MOGAT1: variants seen among roughly 807,000 people sequenced by gnomAD.
MOGAT1 encodes monoacylglycerol O-acyltransferase 1, also known as 2-acylglycerol O-acyltransferase 1.
MOGAT1 carries 32 observed loss-of-function variants against 31.4 expected under a neutral mutation model. The ratio of observed to expected loss-of-function variants is 1.02; its 90% CI spans 0.77 to 1.37. MOGAT1 has a LOEUF of 1.37. Ranked by LOEUF, MOGAT1 falls within the 40% of genes most tolerant of loss-of-function variation. MOGAT1 has a pLI of 0.00. For missense variants in MOGAT1, 426 were observed against 402.0 expected, an observed-to-expected ratio of 1.06 and a Z score of -0.51; for synonymous variants, 145 against 144.5, an observed-to-expected ratio of 1.00 and a Z score of -0.03.
At chr2:222,687,877 T>C (rs547755685) in intron 1 of MOGAT1, among the ~76,000 whole-genome samples, 1 of 152,324 alleles carries the variant, frequency 6.6e-6, no homozygotes, top group Non-Finnish European at 1.5e-5. Flanking sequence ...GATTCTTCCA[T>C]ATGTTCACAT....
intron 1 of MOGAT1, among the ~76,000 whole-genome samples, chr2:222,674,575 A>G (rs1327325143): frequency 6.6e-6 from 1 of 152,208 alleles, no homozygotes; most frequent in Non-Finnish European, 1.5e-5. Context: ...CATAGTACCC[A>G]GTAGGTAGCT....
intron 1 of MOGAT1, among the ~76,000 whole-genome samples, chr2:222,676,078 T>C (rs1350621080): frequency 1.3e-5 from 2 of 152,110 alleles, no homozygotes; most frequent in East Asian, 3.8e-4. Context: ...ATGTTTCATT[T>C]AGTAATAAAA....
intron 1 of MOGAT1, among the ~76,000 whole-genome samples, chr2:222,675,681 G>C (rs898305845): frequency 1.3e-5 from 2 of 151,846 alleles, no homozygotes; most frequent in South Asian, 4.2e-4. Context: ...GGGTTTCACC[G>C]TGTTAGCCAG....
chr2:222,681,048 G>A (rs547668396), intron 1 of MOGAT1, among the ~76,000 whole-genome samples: 6 of 152,246 alleles, frequency 3.9e-5, no homozygotes, highest in South Asian at 2.1e-4. Context: ...GCACTTAAGC[G>A]CTTTCAAGAA....
chr2:222,694,334 C>T, intron 3 of MOGAT1, 28 bp from the exon 4 acceptor site: 1 of 1,552,212 alleles, frequency 6.4e-7, no homozygotes, highest in Non-Finnish European at 8.7e-7. Flanking sequence ...AAAAGGATAA[C>T]TAGTTACTTT....
At chr2:222,684,889 A>C (rs1476785813) in intron 1 of MOGAT1, among the ~76,000 whole-genome samples, 1 of 152,072 alleles carries the variant, frequency 6.6e-6, no homozygotes, top group African/African-American at 2.4e-5. Flanking sequence ...TTTACTTCTT[A>C]TTATCTTATG....
intron 1 of MOGAT1, among the ~76,000 whole-genome samples, chr2:222,685,944 G>A (rs949426953): frequency 1.1e-4 from 17 of 152,132 alleles, no homozygotes; most frequent in African/African-American, 4.1e-4. Context: ...GCATTAAAGA[G>A]ATATGCAGCA....
chr2:222,685,163 A>C (rs1250239033), intron 1 of MOGAT1, among the ~76,000 whole-genome samples: 1 of 152,210 alleles, frequency 6.6e-6, no homozygotes, highest in Non-Finnish European at 1.5e-5. Context: ...GCCAAAAGGA[A>C]AATTTTAAGA....
chr2:222,700,450 G>A (rs1391507539), intron 5 of MOGAT1, among the ~76,000 whole-genome samples: 1 of 152,214 alleles, frequency 6.6e-6, no homozygotes, highest in African/African-American at 2.4e-5. Flanking sequence ...AATTGCTTCA[G>A]TCCCTCCCTC....
intron 3 of MOGAT1, among the ~76,000 whole-genome samples, chr2:222,692,202 G>A (rs902747199): frequency 6.6e-6 from 1 of 152,206 alleles, no homozygotes; most frequent in Non-Finnish European, 1.5e-5. Context: ...GTGATGAAGG[G>A]AGAGGTGATA....
intron 1 of MOGAT1, among the ~76,000 whole-genome samples, chr2:222,685,318 C>A (rs1203514893): frequency 6.6e-6 from 1 of 152,122 alleles, no homozygotes; most frequent in Non-Finnish European, 1.5e-5. Context: ...GAACTGTACA[C>A]CCTCATGTTA....
rs1049662244 is a variant in MOGAT1, at chr2:222,701,602, G to A, written c.853+6314G>A. ...AAAGAAAAAGAAAGAAAGAAAGGGA[G>A]GGAGGGAGGGAGAGAAGAAAGGAAG... On this transcript the variant is annotated intron_variant, in intron 5 of 5. Transcript: ENST00000446656. 3.7e-5 allele frequency among the ~76,000 whole-genome samples: 5 copies of A among 135,674 alleles called. No homozygotes were observed. The South Asian group carries it at 1.1e-3, about 30-fold the overall frequency. 89.0% of individuals were successfully genotyped at this position (135,674 alleles called of 152,430 possible). A position where few individuals can be genotyped will look rare whatever the true frequency, so the allele number is the denominator to read the frequency against.
chr2:222,708,903 AAC>A, intron 5 of MOGAT1, among the ~76,000 whole-genome samples: 1 of 152,330 alleles, frequency 6.6e-6, no homozygotes, highest in East Asian at 1.9e-4. Context: ...TGGTTTATTT[AAC>A]AGTTTTTCTA....
At chr2:222,672,167 G>T (rs992607159) in intron 1 of MOGAT1, among the ~76,000 whole-genome samples, 1 of 152,172 alleles carries the variant, frequency 6.6e-6, no homozygotes, top group Non-Finnish European at 1.5e-5. Flanking sequence ...ATGACTTTTG[G>T]CGACTGTATC....
intron 1 of MOGAT1, among the ~76,000 whole-genome samples, chr2:222,686,315 A>T (rs886070116): frequency 6.6e-6 from 1 of 152,218 alleles, no homozygotes; most frequent in Non-Finnish European, 1.5e-5. Context: ...ATGGGGCAAT[A>T]ACGTGTACCT....
At chr2:222,688,939 C>T (rs1192066424) in intron 2 of MOGAT1, among the ~76,000 whole-genome samples, 1 of 152,220 alleles carries the variant, frequency 6.6e-6, no homozygotes, top group Non-Finnish European at 1.5e-5. Flanking sequence ...TAGGCCCCAC[C>T]TCCCAACACC....
chr2:222,694,314 A>G, intron 3 of MOGAT1, 48 bp from the exon 4 acceptor site: 1 of 1,467,554 alleles, frequency 6.8e-7, no homozygotes, highest in Non-Finnish European at 9.2e-7. Flanking sequence ...AAACATTGTA[A>G]TATTGTTAGA....
intron 1 of MOGAT1, among the ~76,000 whole-genome samples, chr2:222,682,353 G>A (rs1328372154): frequency 1.3e-5 from 2 of 152,018 alleles, no homozygotes; most frequent in South Asian, 2.1e-4. Flanking sequence ...TTCCCTCATC[G>A]TCTTCAACTT....
At chr2:222,687,114 A>C (rs1248919504) in intron 1 of MOGAT1, among the ~76,000 whole-genome samples, 2 of 77,460 alleles carry the variant, frequency 2.6e-5, no homozygotes, top group Non-Finnish European at 4.7e-5. Flanking sequence ...ACTCCATCTC[A>C]AAAAAAAAAA....
Sources: allele counts gnomAD v4.1 joint callset (sites outside exome capture counted in the v4.1 genomes callset), GRCh38; gene constraint gnomAD v4.1.1; transcripts MANE v1.5; gene names NCBI Gene and HGNC (gene_info 2026-07-23, HGNC 2026-07-21).